ACSL5: variants seen among roughly 807,000 people sequenced by gnomAD.
ACSL5 encodes the protein long-chain-fatty-acid--CoA ligase 5.
Under a neutral mutation model 84.9 loss-of-function variants are expected in ACSL5, and 50 were observed. The observed-to-expected ratio is 0.59, with a 90% CI of 0.47 to 0.75. ACSL5 has a LOEUF of 0.75. Ranked by LOEUF, ACSL5 falls within the 30% of genes least tolerant of loss-of-function variation. The probability of loss-of-function intolerance (pLI) is 0.00; values close to 1 mark genes in which losing one functional copy is unlikely to be tolerated. For synonymous variants in ACSL5, 280 were observed against 300.7 expected (o/e 0.93, Z 0.71); for missense variants, 775 against 830.4 (o/e 0.93, Z 0.82).
At chr10:112,400,848 A>C (rs1230941482) in intron 3 of ACSL5, among the ~76,000 whole-genome samples, 1 of 152,112 alleles carries the variant, frequency 6.6e-6, no homozygotes, top group Non-Finnish European at 1.5e-5. Context: ...GTGGGCCACT[A>C]TGCTCAGCTC....
At position 112,425,291 on chromosome 10, in the gene ACSL5, C is replaced by T. The variant is rs771266502; in HGVS notation, c.1594-47C>T. 1.3e-5 allele frequency: 20 copies of T among 1,537,046 alleles called. No individual in the cohort carries two copies. In the African/African-American group the frequency reaches 2.5e-4, roughly 19 times the overall value. On this transcript the variant is annotated intron_variant, in intron 17 of 20. Coordinates refer to ENST00000354655, the MANE Select transcript of ACSL5 (RefSeq NM_203379.2). ...ACTTCACCACTCTCCCCACTGATAT[C>T]ATCTCTGTGGCTCAAAAATACTGAT...
chr10:112,388,903 A>G (rs542816321), intron 1 of ACSL5, among the ~76,000 whole-genome samples: 1 of 152,356 alleles, frequency 6.6e-6, no homozygotes, highest in South Asian at 2.1e-4. Context: ...AAGAGCAAAT[A>G]CAGAGGCTTC....
In ACSL5 at chr10:112,417,890, C is replaced by A; in HGVS notation, c.1263C>A (p.Ala421=). Residue 421 remains alanine, a synonymous_variant, in exon 14 of 21, where the codon GCC becomes GCA. Transcript: ENST00000354655. ...GRVRVIVTGA[A]PMSTSVMTFF... is the part of the protein sequence containing the mutation. ...TTCGTGTAATTGTCACTGGAGCTGC[C>A]CCCATGTCCACTTCAGTCATGACAT... 6.2e-7 allele frequency: 1 copy of A among 1,613,892 alleles called. No individual in the cohort carries two copies.
At chr10:112,390,199 C>A (rs1444679205) in intron 1 of ACSL5, among the ~76,000 whole-genome samples, 3 of 151,778 alleles carry the variant, frequency 2.0e-5, no homozygotes, top group African/African-American at 7.3e-5. Flanking sequence ...ATATATATGA[C>A]CTAATTTTTA....
chr10:112,387,463 C>T (rs1275216640), intron 1 of ACSL5, among the ~76,000 whole-genome samples: 1 of 152,070 alleles, frequency 6.6e-6, no homozygotes, highest in African/African-American at 2.4e-5. Flanking sequence ...TTGGGTTTGT[C>T]TAGAAATACT....
At chr10:112,402,588 G>A (rs919247009) in intron 3 of ACSL5, among the ~76,000 whole-genome samples, 11 of 152,228 alleles carry the variant, frequency 7.2e-5, no homozygotes, top group African/African-American at 2.4e-4. Flanking sequence ...TGTTTCAATT[G>A]GAAGCAAAAG....
chr10:112,411,773 TCTACACAGTGTACCGC>T, intron 10 of ACSL5, 113 bp from the exon 11 acceptor site: 1 of 916,652 alleles, frequency 1.1e-6, no homozygotes, highest in African/African-American at 1.6e-5. Context: ...GCATCTCAGA[TCTACACAGTGTACCGC>T]CTATACAGCT....
intron 2 of ACSL5, 99 bp downstream of exon 2, chr10:112,395,201 T>C (rs923603450): frequency 4.1e-6 from 5 of 1,209,358 alleles, no homozygotes; most frequent in South Asian, 1.4e-5. Flanking sequence ...GGGTGCAGCA[T>C]GGGAAAGTAA....
intron 1 of ACSL5, among the ~76,000 whole-genome samples, chr10:112,387,612 AAC>A (rs1849478882): frequency 6.6e-6 from 1 of 152,240 alleles, no homozygotes; most frequent in African/African-American, 2.4e-5. Flanking sequence ...CCTCGTAAAT[AAC>A]ACACAGTTCC....
intron 3 of ACSL5, among the ~76,000 whole-genome samples, chr10:112,401,130 C>A (rs1215052336): frequency 1.3e-5 from 2 of 152,016 alleles, no homozygotes; most frequent in African/African-American, 4.8e-5. Context: ...GCAGGAGAAT[C>A]GCTTGAACCT....
At chr10:112,409,765 A>T (rs1844137454) in intron 7 of ACSL5, 80 bp downstream of exon 7, 2 of 1,440,386 alleles carry the variant, frequency 1.4e-6, no homozygotes. Flanking sequence ...TCCCAAGAGG[A>T]CAGTGTTCTT....
At chr10:112,379,572 A>G (rs143424850) in intron 1 of ACSL5, among the ~76,000 whole-genome samples, 195 of 152,260 alleles carry the variant, frequency 1.3e-3, no homozygotes, top group Admixed American at 2.6e-3. Context: ...AAAGGGAAGG[A>G]AAGGGGAGCT....
intron 3 of ACSL5, among the ~76,000 whole-genome samples, chr10:112,401,907 T>C (rs981732783): frequency 1.3e-5 from 2 of 151,018 alleles, no homozygotes; most frequent in African/African-American, 4.9e-5. Context: ...TCCTTTTCTT[T>C]CTTTCTTTCC....
At chr10:112,411,555 T>C (rs1278709772) in intron 10 of ACSL5, 26 bp downstream of exon 10, 4 of 1,594,724 alleles carry the variant, frequency 2.5e-6, no homozygotes, top group Non-Finnish European at 3.4e-6. Flanking sequence ...AAAAAGAGGC[T>C]CTCATTAAAA....
At chr10:112,413,967 C>T (rs1438736119) in intron 12 of ACSL5, among the ~76,000 whole-genome samples, 1 of 152,038 alleles carries the variant, frequency 6.6e-6, no homozygotes, top group African/African-American at 2.4e-5. Context: ...CATACTTACA[C>T]CTATTATTTC....
At chr10:112,408,358 G>A in intron 5 of ACSL5, 64 bp from the exon 6 acceptor site, 3 of 999,822 alleles carry the variant, frequency 3.0e-6, no homozygotes, top group South Asian at 1.4e-5. Context: ...TTTGTTGGCT[G>A]AATGACTGAA....
At chr10:112,426,980 C>T in intron 20 of ACSL5, 121 bp downstream of exon 20, 2 of 992,374 alleles carry the variant, frequency 2.0e-6, no homozygotes, top group South Asian at 3.0e-5. Context: ...GTGCCATTAA[C>T]TACAAAATGA....
intron 2 of ACSL5, among the ~76,000 whole-genome samples, chr10:112,397,170 T>A (rs1361539479): frequency 2.6e-5 from 1 of 38,744 alleles, no homozygotes; most frequent in East Asian, 1.1e-3. Context: ...TCCCTTTTTC[T>A]TTTTTTTTTT....
At chr10:112,377,453 G>A (rs1006667055) in intron 1 of ACSL5, among the ~76,000 whole-genome samples, 4 of 152,176 alleles carry the variant, frequency 2.6e-5, no homozygotes, top group African/African-American at 4.8e-5. Flanking sequence ...ACAATTGCTT[G>A]AACCTAGGAG....
Sources: allele counts gnomAD v4.1 joint callset (sites outside exome capture counted in the v4.1 genomes callset), GRCh38; gene constraint gnomAD v4.1.1; transcripts MANE v1.5; gene names NCBI Gene and HGNC (gene_info 2026-07-23, HGNC 2026-07-21).